UBE2L6: variants seen among roughly 807,000 people sequenced by gnomAD.
UBE2L6 encodes ubiquitin conjugating enzyme E2 L6.
In UBE2L6, 11 loss-of-function variants were observed where a neutral mutation model predicts 13.6. The observed-to-expected ratio is 0.81, with a 90% confidence interval of 0.51 to 1.34. The LOEUF (loss-of-function observed/expected upper bound fraction) is 1.34. Among genes scored for constraint, UBE2L6 ranks in the 40% most tolerant of loss-of-function variants. The probability of loss-of-function intolerance (pLI) is 0.00; values close to 1 mark genes in which losing one functional copy is unlikely to be tolerated. For missense variants in UBE2L6, 197 were observed against 199.5 expected (o/e 0.99, Z 0.07); for synonymous variants, 74 against 83.2 (o/e 0.89, Z 0.60).
At chr11:57,556,268 C>T (rs907226790) in intron 2 of UBE2L6, among the ~76,000 whole-genome samples, 4 of 152,086 alleles carry the variant, frequency 2.6e-5, no homozygotes, top group Admixed American at 6.6e-5. Flanking sequence ...GGGTGTGATT[C>T]GGCTCTGACA....
rs773896734 is a variant in UBE2L6 at position 57,560,397 on chromosome 11, G to A, written c.63C>T (p.Tyr21=). The A allele has an allele frequency of 2.0e-5, 33 of 1,613,878 alleles. No homozygotes were observed. The highest frequency in any genetic ancestry group is 2.8e-5 in the Non-Finnish European group (33 of 1,179,966). Residue 21 remains tyrosine (Y), a synonymous_variant, in exon 2 of 4, where the codon TAC becomes TAT. Transcript: ENST00000287156. ...CATCATCGCTGGACAGGTTCCGCAG[G>A]TATGGGGGAGGCTTCTTCTGAAGAT... The part of the protein sequence containing the change: ...LEDLQKKPPP[Y]LRNLSSDDAN...
At chr11:57,567,454 G>T in intron 1 of UBE2L6, 131 bp downstream of exon 1, 1 of 1,315,116 alleles carries the variant, frequency 7.6e-7, no homozygotes, top group South Asian at 1.3e-5. Context: ...GGGGAGGACA[G>T]GGATTCAGCC....
upstream of UBE2L6, chr11:57,567,734 C>A: frequency 3.1e-6 from 4 of 1,276,292 alleles, no homozygotes; most frequent in Non-Finnish European, 4.3e-6. Flanking sequence ...CCTCCTCCAG[C>A]CGTCGCTGCG....
rs1017567071 is a variant in UBE2L6, at chr11:57,561,208, C to A, written c.28-776G>T. Among the ~76,000 whole-genome samples the A allele has an allele frequency of 4.6e-5, 7 of 152,246 alleles. No homozygotes were observed. In the South Asian group the frequency reaches 8.3e-4, roughly 18 times the overall value. ...CATGACCCCACCGCTTCAAACTCTG[C>A]CAGATCAGGGCTGGAGAAGGGAAAT... On this transcript the variant is annotated intron_variant, in intron 1 of 3. Transcript: ENST00000287156.
chr11:57,559,018 C>T (rs1945017883), intron 2 of UBE2L6, among the ~76,000 whole-genome samples: 1 of 152,222 alleles, frequency 6.6e-6, no homozygotes, highest in Non-Finnish European at 1.5e-5. Flanking sequence ...TTTCATAGTA[C>T]TCTGCCAAAC....
intron 3 of UBE2L6, among the ~76,000 whole-genome samples, chr11:57,553,655 C>A (rs1037019096): frequency 6.6e-6 from 1 of 152,120 alleles, no homozygotes. Flanking sequence ...ATGGCAAAAC[C>A]CCTCTCTATT....
At chr11:57,555,732 A>G (rs10896626) in intron 2 of UBE2L6, among the ~76,000 whole-genome samples, 15,660 of 152,108 alleles carry the variant, frequency 0.1, 1,097 homozygotes, top group Non-Finnish European at 0.15. Flanking sequence ...GCCCACCACC[A>G]TATCTGGCTA....
intron 1 of UBE2L6, among the ~76,000 whole-genome samples, chr11:57,560,779 C>T (rs925895234): frequency 1.3e-5 from 2 of 152,006 alleles, no homozygotes; most frequent in East Asian, 3.9e-4. Context: ...CGCCACCACG[C>T]CCCGCTAATT....
upstream of UBE2L6, chr11:57,567,791 G>GA: frequency 3.1e-6 from 2 of 647,140 alleles, no homozygotes; most frequent in South Asian, 2.7e-5. Context: ...GCCGTCGAAG[G>GA]ACGACCCGCC....
In UBE2L6 at chr11:57,552,109, G is replaced by T; in HGVS notation, c.*249C>A. The stretch of plus-strand genomic sequence containing the variant: ...TGTAACTGCAAACTTAAACTCCCTT[G>T]GCTCTGGGGAATGTAAAGGGTGTGG... On this transcript the variant is annotated 3_prime_UTR_variant, in exon 4 of 4. Coordinates refer to ENST00000287156, the MANE Select transcript of UBE2L6 (RefSeq NM_004223.5). 1 of 485,736 alleles carries T rather than the reference G, an allele frequency of 2.1e-6. No individual in the cohort carries two copies. Among genetic ancestry groups the T allele is most frequent in the Non-Finnish European group, 3.7e-6 (1 of 273,864 alleles). 30.1% of individuals were successfully genotyped at this position (485,736 alleles called of 1,614,324 possible). A position where few individuals can be genotyped will look rare whatever the true frequency, so the allele number is the denominator to read the frequency against.
intron 3 of UBE2L6, among the ~76,000 whole-genome samples, chr11:57,553,102 T>C (rs1311515693): frequency 2.0e-5 from 3 of 152,228 alleles, no homozygotes; most frequent in Admixed American, 2.0e-4. Context: ...CCTGAGCTGG[T>C]CCAGGTGGAG....
rs1239035819 is a variant in UBE2L6, at chr11:57,554,652, CA to C, written c.124-30del. 2.5e-6 allele frequency: 4 copies of C among 1,613,022 alleles called. No individual in the cohort carries two copies. In the South Asian group the frequency reaches 4.4e-5, roughly 18 times the overall value. On this transcript the variant is annotated intron_variant, in intron 2 of 3. Coordinates refer to ENST00000287156, the MANE Select transcript of UBE2L6 (RefSeq NM_004223.5). Reference sequence around the variant, plus strand: ...TGCAGAGAGAAAAGGGGTCAAGCTCCAGTCTGGTTTTCCTCCCTTCCTGCCC... The same window carrying C: ...TGCAGAGAGAAAAGGGGTCAAGCTCCGTCTGGTTTTCCTCCCTTCCTGCCC...
At position 57,554,451 on chromosome 11, in the gene UBE2L6, G is replaced by C. The variant is rs774628904; in HGVS notation, c.296C>G (p.Thr99Ser). The C allele has an allele frequency of 6.2e-7, 1 of 1,613,836 alleles. No homozygotes were observed. The highest frequency in any genetic ancestry group is 1.7e-5 in the Admixed American group (1 of 59,980). The change falls in exon 3 of 4, where the codon ACC becomes AGC. Residue 99 changes from threonine to serine, a missense_variant. Physicochemically the swap from Thr to Ser is moderately conservative, Grantham distance 58 (BLOSUM62 1). Coordinates refer to ENST00000287156, the MANE Select transcript of UBE2L6 (RefSeq NM_004223.5). The part of the protein sequence containing the change: ...IISSENWKPC[T>S]KTCQVLEALN... ...CCCAACCCCACCTTGGCAAGTCTTGGTGCAAGGCTTCCAGTTCTCACTGCT... is the reference window on the plus strand; with the variant it reads ...CCCAACCCCACCTTGGCAAGTCTTGCTGCAAGGCTTCCAGTTCTCACTGCT...
At chr11:57,560,481 C>T (rs1194136620) in intron 1 of UBE2L6, 49 bp from the exon 2 acceptor site, 1 of 1,393,102 alleles carries the variant, frequency 7.2e-7, no homozygotes, top group South Asian at 1.2e-5. Flanking sequence ...CTCCTTATTT[C>T]AGCCCCCTCC....
chr11:57,556,210 G>A (rs1382605619), intron 2 of UBE2L6, among the ~76,000 whole-genome samples: 4 of 152,054 alleles, frequency 2.6e-5, no homozygotes, highest in Non-Finnish European at 5.9e-5. Flanking sequence ...ACTAGGTCAG[G>A]TGCGGTGCCT....
rs111740810 is a variant in UBE2L6 at position 57,556,530 on chromosome 11, T to G, written c.124-1907A>C. On this transcript the variant is annotated intron_variant, in intron 2 of 3. Coordinates refer to ENST00000287156, the MANE Select transcript of UBE2L6 (RefSeq NM_004223.5). ...GAAGTTGAACCTGGGAGGCTGACGT[T>G]GTGGTGAGCAGAGATCACACCCTTG... 9.2e-3 allele frequency among the ~76,000 whole-genome samples: 1,251 copies of G among 136,276 alleles called. 18 individuals carry two copies. The highest frequency in any genetic ancestry group is 0.034 in the African/African-American group (1,200 of 35,306). 89.4% of individuals were successfully genotyped at this position (136,276 alleles called of 152,430 possible).
At chr11:57,556,905 A>T (rs1182444125) in intron 2 of UBE2L6, among the ~76,000 whole-genome samples, 2 of 151,926 alleles carry the variant, frequency 1.3e-5, no homozygotes, top group Non-Finnish European at 1.5e-5. Context: ...GGGCAACATG[A>T]TAAAACCCCG....
chr11:57,563,737 A>G (rs888006926), intron 1 of UBE2L6, among the ~76,000 whole-genome samples: 1 of 17,072 alleles, frequency 5.9e-5, no homozygotes, highest in Non-Finnish European at 1.1e-4. Flanking sequence ...TAAAAATACA[A>G]AAAAAAAAAA....
At chr11:57,563,080 A>G (rs1163977840) in intron 1 of UBE2L6, among the ~76,000 whole-genome samples, 1 of 152,228 alleles carries the variant, frequency 6.6e-6, no homozygotes, top group Admixed American at 6.5e-5. Context: ...TGTTTTGAGG[A>G]AACTCAAAGA....
Sources: allele counts gnomAD v4.1 joint callset (sites outside exome capture counted in the v4.1 genomes callset), GRCh38; gene constraint gnomAD v4.1.1; transcripts MANE v1.5; gene names NCBI Gene and HGNC (gene_info 2026-07-23, HGNC 2026-07-21).